The following INO80C variants were observed in gnomAD, a reference collection of about 807,000 sequenced individuals.
INO80C encodes the protein IES6 homolog.
Under a neutral mutation model 17.7 loss-of-function variants are expected in INO80C, and 17 were observed. The ratio of observed to expected loss-of-function variants is 0.96; its 90% CI spans 0.66 to 1.44. INO80C has a LOEUF of 1.44. Ranked by LOEUF, INO80C falls within the 40% of genes most tolerant of loss-of-function variation. The pLI is 0.00. For missense variants in INO80C, 244 were observed against 245.0 expected (o/e 1.00, Z 0.03); for synonymous variants, 96 against 95.8 (o/e 1.00, Z -0.01).
At chr18:35,480,386 C>G in intron 2 of INO80C, 67 bp downstream of exon 2, 1 of 1,103,820 alleles carries the variant, frequency 9.1e-7, no homozygotes, top group Non-Finnish European at 1.4e-6. Flanking sequence ...TGGCTACAGG[C>G]CCAGCAAGAT....
intron 4 of INO80C, among the ~76,000 whole-genome samples, chr18:35,474,118 T>C (rs1171536112): frequency 6.8e-6 from 1 of 147,670 alleles, no homozygotes; most frequent in African/African-American, 2.5e-5. Context: ...AGCAGATAAA[T>C]ACTTTAAAGC....
chr18:35,471,586 T>C (rs1242866987), intron 4 of INO80C, among the ~76,000 whole-genome samples: 2 of 152,204 alleles, frequency 1.3e-5, no homozygotes, highest in Admixed American at 6.5e-5. Context: ...TGAAGTTCTT[T>C]GTGCACACTA....
chr18:35,492,313 G>C (rs2045940463), intron 1 of INO80C, among the ~76,000 whole-genome samples: 1 of 152,032 alleles, frequency 6.6e-6, no homozygotes, highest in Non-Finnish European at 1.5e-5. Context: ...TTAATTCCTT[G>C]GAATATAATG....
chr18:35,485,181 T>C (rs933547553), intron 1 of INO80C, among the ~76,000 whole-genome samples: 9 of 151,578 alleles, frequency 5.9e-5, no homozygotes, highest in African/African-American at 2.2e-4. Flanking sequence ...CAGGACAAAA[T>C]AATAAATACT....
At chr18:35,495,911 A>AT (rs2045976313) in intron 1 of INO80C, among the ~76,000 whole-genome samples, 1 of 152,218 alleles carries the variant, frequency 6.6e-6, no homozygotes, top group Non-Finnish European at 1.5e-5. Context: ...AAAGTGATTG[A>AT]TATCATTAGC....
intron 4 of INO80C, among the ~76,000 whole-genome samples, chr18:35,476,549 G>A (rs1036641027): frequency 2.0e-5 from 3 of 151,990 alleles, no homozygotes; most frequent in Non-Finnish European, 2.9e-5. Flanking sequence ...ATTAAAAAAC[G>A]CTCAATAAAT....
chr18:35,489,856 G>A (rs1020659016), intron 1 of INO80C, among the ~76,000 whole-genome samples: 1 of 152,082 alleles, frequency 6.6e-6, no homozygotes, highest in Non-Finnish European at 1.5e-5. Flanking sequence ...GGGCATCTGG[G>A]CCCTCCTCTG....
chr18:35,484,769 C>T (rs1310624729), intron 1 of INO80C, among the ~76,000 whole-genome samples: 1 of 152,156 alleles, frequency 6.6e-6, no homozygotes, highest in Non-Finnish European at 1.5e-5. Flanking sequence ...CAATCCAGCA[C>T]ATATACTGAG....
Position 35,479,464 on chromosome 18 carries a change from T to C in INO80C, c.268-53A>G, listed in dbSNP as rs113223883. The C allele has an allele frequency of 8.2e-6, 9 of 1,091,266 alleles. No homozygotes were observed. In the African/African-American group the frequency reaches 9.3e-5, roughly 11 times the overall value. 67.6% of individuals were successfully genotyped at this position (1,091,266 alleles called of 1,614,324 possible). ...AACAAAAACCAATGGAGACTACCATTTCGACATCTGACATTTATGCCTAAT... is the reference window on the plus strand; with the variant it reads ...AACAAAAACCAATGGAGACTACCATCTCGACATCTGACATTTATGCCTAAT... On this transcript the variant is annotated intron_variant, in intron 2 of 4. Coordinates refer to ENST00000334598, the MANE Select transcript of INO80C (RefSeq NM_194281.4).
chr18:35,468,467 T>A lies in INO80C; in HGVS notation c.*144A>T. 1 of 1,465,180 alleles carries A rather than the reference T, an allele frequency of 6.8e-7. No homozygotes were observed. Among genetic ancestry groups the A allele is most frequent in the Non-Finnish European group, 9.0e-7 (1 of 1,111,040 alleles). 90.8% of individuals were successfully genotyped at this position (1,465,180 alleles called of 1,614,324 possible). On this transcript the variant is annotated 3_prime_UTR_variant, in exon 5 of 5. Transcript: ENST00000334598. ...ACACACTAAAAAAAAAAAAAACCCT[T>A]AAATTAAAGCCAAACATTCTTTCCA...
chr18:35,497,740 C>G lies in INO80C; in HGVS notation c.135G>C (p.Ala45=), dbSNP rs769614200. 48 of 1,612,488 alleles carry G rather than the reference C, an allele frequency of 3.0e-5. No individual in the cohort carries two copies. Among genetic ancestry groups the G allele is most frequent in the Non-Finnish European group, 2.3e-5 (27 of 1,179,472 alleles). ...GGYGASKKKK[A]SASSFAQGIS... ...GTACCTGCGCAAAGCTGGAAGCGGA[C>G]GCTTTTTTCTTCTTACTGGCGCCAT... Residue 45 remains alanine, a synonymous_variant, in exon 1 of 5, where the codon GCG becomes GCC. Coordinates refer to ENST00000334598, the MANE Select transcript of INO80C (RefSeq NM_194281.4).
intron 1 of INO80C, among the ~76,000 whole-genome samples, chr18:35,488,118 T>C (rs1004969052): frequency 1.3e-5 from 2 of 152,250 alleles, no homozygotes; most frequent in Non-Finnish European, 2.9e-5. Context: ...TTTCACAGGC[T>C]GGCGTTGAGT....
chr18:35,477,695 C>T (rs537422519), intron 4 of INO80C, among the ~76,000 whole-genome samples: 1 of 152,332 alleles, frequency 6.6e-6, no homozygotes, highest in South Asian at 2.1e-4. Flanking sequence ...CCACTTCCCA[C>T]TATTTCAGCT....
intron 1 of INO80C, among the ~76,000 whole-genome samples, chr18:35,485,729 A>G (rs1389081881): frequency 6.6e-6 from 1 of 152,260 alleles, no homozygotes; most frequent in Non-Finnish European, 1.5e-5. Flanking sequence ...AATGAAAAAC[A>G]TATGTCCATG....
intron 4 of INO80C, among the ~76,000 whole-genome samples, chr18:35,472,099 A>G (rs1189406699): frequency 1.3e-5 from 2 of 152,314 alleles, no homozygotes; most frequent in East Asian, 1.9e-4. Flanking sequence ...ATGATTTATA[A>G]TCCTTTGGGT....
intron 1 of INO80C, among the ~76,000 whole-genome samples, chr18:35,483,274 A>G (rs995864068): frequency 6.6e-6 from 1 of 152,140 alleles, no homozygotes; most frequent in African/African-American, 2.4e-5. Flanking sequence ...ACCCAGTCTG[A>G]TAAGGAAGAT....
intron 4 of INO80C, among the ~76,000 whole-genome samples, chr18:35,474,207 CTATATATATATATATA>C (rs58465669): frequency 2.3e-3 from 131 of 58,046 alleles, no homozygotes; most frequent in African/African-American, 4.1e-3. Flanking sequence ...GTGTGTGTGT[CTATATATATATATATA>C]TATATATATA....
chr18:35,468,472 TA>T lies in INO80C; in HGVS notation c.*138del. On this transcript the variant is annotated 3_prime_UTR_variant, in exon 5 of 5. Transcript: ENST00000334598. ...CTAAAAAAAAAAAAAACCCTTAAAT[TA>T]AAGCCAAACATTCTTTCCAAGGCAC... The T allele has an allele frequency of 6.8e-7, 1 of 1,477,496 alleles. No individual in the cohort carries two copies. Among genetic ancestry groups the T allele is most frequent in the Non-Finnish European group, 8.9e-7 (1 of 1,117,442 alleles). 91.5% of individuals were successfully genotyped at this position (1,477,496 alleles called of 1,614,324 possible). A position where few individuals can be genotyped will look rare whatever the true frequency, so the allele number is the denominator to read the frequency against.
intron 1 of INO80C, chr18:35,487,491 C>T: frequency 4.3e-6 from 1 of 231,336 alleles, no homozygotes; most frequent in Non-Finnish European, 9.0e-6. Flanking sequence ...AAAGGGGTTT[C>T]CCCTTATAAA....
Sources: allele counts gnomAD v4.1 joint callset (sites outside exome capture counted in the v4.1 genomes callset), GRCh38; gene constraint gnomAD v4.1.1; transcripts MANE v1.5; gene names NCBI Gene and HGNC (gene_info 2026-07-23, HGNC 2026-07-21).